The following DCC variants were observed in gnomAD, a reference collection of about 807,000 sequenced individuals.
DCC encodes DCC netrin 1 receptor, also known as netrin receptor DCC.
In DCC, 58 loss-of-function variants were observed where a neutral mutation model predicts 172.5. That is an observed-to-expected ratio of 0.34 (90% CI 0.27 to 0.42). The LOEUF is 0.42. Among genes scored for constraint, DCC ranks in the 10% least tolerant of loss-of-function variants. DCC has a pLI of 1.00. For synonymous variants in DCC, 709 were observed against 644.5 expected, an observed-to-expected ratio of 1.10 and a Z score of -1.52; for missense variants, 1,740 against 1,791.0, an observed-to-expected ratio of 0.97 and a Z score of 0.51.
chr18:53,468,380 T>TTTATTTATTTATTTTA (rs1555675979), intron 25 of DCC, among the ~76,000 whole-genome samples: 4 of 135,152 alleles, frequency 3.0e-5, no homozygotes, highest in East Asian at 2.0e-4. Flanking sequence ...TATTTATTTA[T>TTTATTTATTTATTTTA]TTTATTTATT....
At chr18:52,379,705 G>A (rs9951279) in intron 1 of DCC, among the ~76,000 whole-genome samples, 22,524 of 151,880 alleles carry the variant, frequency 0.15, 1,826 homozygotes, top group African/African-American at 0.17. Context: ...ATTTAGCTTC[G>A]GCTTAGTTAT....
At chr18:53,075,905 T>TG (rs1270542747) in intron 7 of DCC, among the ~76,000 whole-genome samples, 4 of 152,184 alleles carry the variant, frequency 2.6e-5, no homozygotes, top group African/African-American at 9.6e-5. Context: ...TGCTACCCGC[T>TG]GTAAATTCCT....
At chr18:52,491,733 G>A (rs1272874650) in intron 1 of DCC, among the ~76,000 whole-genome samples, 2 of 152,018 alleles carry the variant, frequency 1.3e-5, no homozygotes, top group African/African-American at 4.8e-5. Context: ...TTTGATGTAT[G>A]CAATATGGGA....
chr18:52,998,548 GC>G (rs770844302), intron 5 of DCC, among the ~76,000 whole-genome samples: 15 of 152,026 alleles, frequency 9.9e-5, no homozygotes, highest in Non-Finnish European at 1.6e-4. Context: ...GTAATCACCT[GC>G]CAGGACTCCA....
intron 2 of DCC, among the ~76,000 whole-genome samples, chr18:52,839,280 C>T (rs2038764712): frequency 6.6e-6 from 1 of 152,074 alleles, no homozygotes. Context: ...TGTGCATGTT[C>T]AAGTATGTTT....
intron 9 of DCC, among the ~76,000 whole-genome samples, chr18:53,191,187 G>A (rs2055361857): frequency 6.6e-6 from 1 of 152,104 alleles, no homozygotes; most frequent in African/African-American, 2.4e-5. Context: ...GGGTTAATTG[G>A]CTTGTAGTTC....
At chr18:53,328,555 G>C (rs2057494423) in intron 14 of DCC, among the ~76,000 whole-genome samples, 1 of 152,080 alleles carries the variant, frequency 6.6e-6, no homozygotes, top group Non-Finnish European at 1.5e-5. Context: ...TGCTGTTTTA[G>C]ACAGAATCTG....
At chr18:52,654,861 C>G (rs1193084306) in intron 1 of DCC, among the ~76,000 whole-genome samples, 2 of 152,072 alleles carry the variant, frequency 1.3e-5, no homozygotes, top group Non-Finnish European at 2.9e-5. Context: ...TGAAAATGCT[C>G]CATGTTTCTT....
chr18:53,505,961 CAACTTACAT>C (rs1210274625), intron 27 of DCC, among the ~76,000 whole-genome samples: 9 of 152,162 alleles, frequency 5.9e-5, no homozygotes, highest in Non-Finnish European at 1.3e-4. Flanking sequence ...TTTTAAAAAT[CAACTTACAT>C]AAAAGTAGTA....
rs72927231 is a variant in DCC at position 53,348,932 on chromosome 18, C to T, written c.2359+9025C>T. Among the ~76,000 whole-genome samples, 1,178 of 152,298 alleles carry T rather than the reference C, an allele frequency of 7.7e-3. 7 individuals carry two copies. Among genetic ancestry groups the T allele is most frequent in the Non-Finnish European group, 0.013 (891 of 68,030 alleles). ...GCTGCACTGAAGACCTCTGACCAGCCCTGGAGACATTTTCTCCATTGTGTT... is the reference window on the plus strand; with the variant it reads ...GCTGCACTGAAGACCTCTGACCAGCTCTGGAGACATTTTCTCCATTGTGTT... On this transcript the variant is annotated intron_variant, in intron 15 of 28. Coordinates refer to ENST00000442544, the MANE Select transcript of DCC (RefSeq NM_005215.4).
At position 52,556,441 on chromosome 18, in the gene DCC, T is replaced by C. The variant is rs533941418; in HGVS notation, c.92-195613T>C. ...TTAGATAGAGTGGTCATAGCTTCCC[T>C]TGAAGGAGAACAAACTTGGTAAATA... On this transcript the variant is annotated intron_variant, in intron 1 of 28. Coordinates refer to ENST00000442544, the MANE Select transcript of DCC (RefSeq NM_005215.4). Among the ~76,000 whole-genome samples the C allele has an allele frequency of 3.9e-5, 6 of 152,204 alleles. 1 individual carries two copies. In the East Asian group the frequency reaches 1.2e-3, roughly 29 times the overall value.
At chr18:52,960,090 A>G in intron 5 of DCC, among the ~76,000 whole-genome samples, 1 of 152,142 alleles carries the variant, frequency 6.6e-6, no homozygotes, top group East Asian at 1.9e-4. Context: ...GCACCCACGC[A>G]TGCATGCACA....
intron 25 of DCC, among the ~76,000 whole-genome samples, chr18:53,475,557 C>T (rs2045752101): frequency 6.6e-6 from 1 of 152,226 alleles, no homozygotes; most frequent in Non-Finnish European, 1.5e-5. Context: ...TGGCAGCTTC[C>T]TTGTGGTGTT....
intron 2 of DCC, among the ~76,000 whole-genome samples, chr18:52,900,882 C>A (rs1338799839): frequency 3.3e-5 from 5 of 152,198 alleles, no homozygotes; most frequent in East Asian, 1.9e-4. Context: ...GTAAGCCCTG[C>A]AAAATCACCA....
intron 1 of DCC, among the ~76,000 whole-genome samples, chr18:52,636,654 C>G (rs139387549): frequency 2.2e-4 from 33 of 152,222 alleles, no homozygotes; most frequent in African/African-American, 7.2e-4. Context: ...CTCCCATCTC[C>G]CACAGCAGCA....
chr18:53,353,960 T>C (rs2057845063), intron 15 of DCC, among the ~76,000 whole-genome samples: 1 of 152,286 alleles, frequency 6.6e-6, no homozygotes, highest in Admixed American at 6.5e-5. Context: ...CCCCTTCCTG[T>C]GTCCAAGTGT....
chr18:53,345,761 A>AC (rs1555655889), intron 15 of DCC, among the ~76,000 whole-genome samples: 1 of 149,094 alleles, frequency 6.7e-6, no homozygotes, highest in African/African-American at 2.5e-5. Context: ...GCATTGACAG[A>AC]TTTTTTTTTT....
rs565541315 is a variant in DCC at position 52,496,143 on chromosome 18, G to A, written c.91+155265G>A. Reference sequence around the variant, plus strand: ...CAAACCACACCCTATTTTGGCTTCAGGTAAAATCACGAATCCCCCCATGGT... The same window carrying A: ...CAAACCACACCCTATTTTGGCTTCAAGTAAAATCACGAATCCCCCCATGGT... On this transcript the variant is annotated intron_variant, in intron 1 of 28. Coordinates refer to ENST00000442544, the MANE Select transcript of DCC (RefSeq NM_005215.4). Among the ~76,000 whole-genome samples, 3 of 152,174 alleles carry A rather than the reference G, an allele frequency of 2.0e-5. No individual in the cohort carries two copies. In the South Asian group the frequency reaches 6.2e-4, roughly 32 times the overall value.
intron 2 of DCC, among the ~76,000 whole-genome samples, chr18:52,755,298 A>G (rs1289658892): frequency 6.6e-6 from 1 of 152,206 alleles, no homozygotes; most frequent in Non-Finnish European, 1.5e-5. Context: ...GGCCTGTTAC[A>G]TTGCAGTTTC....
Sources: allele counts gnomAD v4.1 joint callset (sites outside exome capture counted in the v4.1 genomes callset), GRCh38; gene constraint gnomAD v4.1.1; transcripts MANE v1.5; gene names NCBI Gene and HGNC (gene_info 2026-07-23, HGNC 2026-07-21).